Variants in KIAA1210 observed in about 807,000 individuals in gnomAD.
KIAA1210 encodes the protein acrosomal protein KIAA1210.
In KIAA1210, 48 loss-of-function variants were observed where a neutral mutation model predicts 78.9. The observed-to-expected ratio is 0.61, with a 90% CI of 0.48 to 0.77. The LOEUF is 0.77. Ranked by LOEUF, KIAA1210 falls within the 30% of genes least tolerant of loss-of-function variation. KIAA1210 has a pLI of 0.00. For synonymous variants in KIAA1210, 406 were observed against 404.5 expected, an observed-to-expected ratio of 1.00 and a Z score of -0.04; for missense variants, 1,108 against 1,100.0, an observed-to-expected ratio of 1.01 and a Z score of -0.10.
chrX:119,130,734 T>C (rs1928770341), upstream of KIAA1210, among the ~76,000 whole-genome samples: 1 of 112,436 alleles, frequency 8.9e-6, no homozygotes, highest in South Asian at 3.7e-4. Context: ...AGAGGAACTA[T>C]ATGTTTTTAT....
chrX:119,084,555 A>AT (rs1321736631), intron 10 of KIAA1210, among the ~76,000 whole-genome samples: 1 of 111,094 alleles, frequency 9.0e-6, no homozygotes, highest in Non-Finnish European at 1.9e-5. Flanking sequence ...ACCTTTAGGT[A>AT]TTTTTTTAAG....
chrX:119,110,232 C>T (rs1005303211), intron 3 of KIAA1210, among the ~76,000 whole-genome samples: 1 of 112,193 alleles, frequency 8.9e-6, no homozygotes, highest in Non-Finnish European at 1.9e-5. Flanking sequence ...GAATGCCAAA[C>T]ACTGTATCAA....
chrX:119,084,286 G>A (rs1307972200), intron 10 of KIAA1210, among the ~76,000 whole-genome samples: 2 of 110,854 alleles, frequency 1.8e-5, no homozygotes, highest in African/African-American at 6.6e-5. Context: ...ATCCACATGT[G>A]GTAGTTAGCC....
At chrX:119,133,744 T>C (rs1376259267) in intron 2 of KIAA1210, among the ~76,000 whole-genome samples, 1 of 108,376 alleles carries the variant, frequency 9.2e-6, no homozygotes. Context: ...GAGAACAATC[T>C]TGATGGCCAT....
At chrX:119,150,623 C>T (rs199581147), upstream of KIAA1210, 14 of 1,153,196 alleles carry the variant, frequency 1.2e-5, no homozygotes, top group African/African-American at 2.0e-4. Flanking sequence ...CCCGACCTGC[C>T]GAGTCCCAGA....
intron 2 of KIAA1210, among the ~76,000 whole-genome samples, chrX:119,134,331 T>C: frequency 8.9e-6 from 1 of 112,809 alleles, no homozygotes. Flanking sequence ...AGCCAAGTAG[T>C]ACTCCATTGT....
chrX:119,126,358 CAGA>C (rs776137323), intron 1 of KIAA1210, among the ~76,000 whole-genome samples: 18 of 112,418 alleles, frequency 1.6e-4, no homozygotes, highest in African/African-American at 5.5e-4. Context: ...AAGATTGCTT[CAGA>C]CCCACTTACT....
In KIAA1210 at chrX:119,081,416, G is replaced by T. The variant is rs1399544270; in HGVS notation, c.4515C>A (p.Asn1505Lys). ...RSSTLPAKFQ[N>K]PVEPIEPVWF... Reference sequence around the variant, plus strand: ...AGACAGGCTCAATTGGCTCAACTGGGTTCTGGAACTTGGCTGGGAGAGTTG... The same window carrying T: ...AGACAGGCTCAATTGGCTCAACTGGTTTCTGGAACTTGGCTGGGAGAGTTG... The change falls in exon 12 of 12, where the codon AAC (asparagine) becomes AAA (lysine). Residue 1505 changes from asparagine (N) to lysine (K), a missense_variant. Coordinates refer to ENST00000691062, the MANE Select transcript of KIAA1210 (RefSeq NM_001394962.1). The T allele has an allele frequency of 1.7e-6, 2 of 1,208,942 alleles. No homozygotes were observed. The highest frequency in any genetic ancestry group is 3.5e-5 in the African/African-American group (2 of 57,129).
Position 119,093,651 on chromosome X carries a change from G to A in KIAA1210, c.955+16C>T, listed in dbSNP as rs370781851. On this transcript the variant is annotated intron_variant, in intron 8 of 11. Coordinates refer to ENST00000691062, the MANE Select transcript of KIAA1210 (RefSeq NM_001394962.1). ...CTGTCATACATGTTTCTGGGTGAGGGTGAAGATATGCTAACCTGCACTGTC... is the reference window on the plus strand; with the variant it reads ...CTGTCATACATGTTTCTGGGTGAGGATGAAGATATGCTAACCTGCACTGTC... The A allele has an allele frequency of 5.2e-4, 586 of 1,134,326 alleles. 1 individual carries two copies. Among genetic ancestry groups the A allele is most frequent in the Non-Finnish European group, 6.6e-4 (550 of 831,620 alleles). The allele number at this position is 1,134,326 out of a possible 1,213,427, so 93.5% of individuals were successfully genotyped here.
upstream of KIAA1210, among the ~76,000 whole-genome samples, chrX:119,151,123 G>C (rs1366865758): frequency 8.9e-6 from 1 of 112,403 alleles, no homozygotes; most frequent in Non-Finnish European, 1.9e-5. Context: ...CCCACAGGCC[G>C]AAGCAATAAC....
Position 119,081,267 on chromosome X carries a change from A to T in KIAA1210, c.*62T>A. Reference sequence around the variant, plus strand: ...GGGTAACAGAGCGAGACTCTGTCTCAAAAAAAAAAAAAAAAAAAAAAACTA... The same window carrying T: ...GGGTAACAGAGCGAGACTCTGTCTCTAAAAAAAAAAAAAAAAAAAAAACTA... On this transcript the variant is annotated 3_prime_UTR_variant, in exon 12 of 12. Coordinates refer to ENST00000691062, the MANE Select transcript of KIAA1210 (RefSeq NM_001394962.1). 1.6e-4 allele frequency: 1 copy of T among 6,139 alleles called. No individual in the cohort carries two copies. The highest frequency in any genetic ancestry group is 2.7e-4 in the Non-Finnish European group (1 of 3,705). The allele number at this position is 6,139 out of a possible 1,213,427, so 0.5% of individuals were successfully genotyped here. A position where few individuals can be genotyped will look rare whatever the true frequency, so the allele number is the denominator to read the frequency against.
intron 2 of KIAA1210, among the ~76,000 whole-genome samples, chrX:119,121,058 G>A (rs1212807322): frequency 1.8e-5 from 2 of 111,377 alleles, no homozygotes; most frequent in Non-Finnish European, 3.8e-5. Flanking sequence ...GAATGAAGAC[G>A]AGCCCTGGTC....
chrX:119,081,159 C>G lies in KIAA1210; in HGVS notation c.*170G>C, dbSNP rs1324012735. The G allele has an allele frequency of 1.5e-5, 5 of 333,424 alleles. No individual in the cohort carries two copies. The highest frequency in any genetic ancestry group is 2.0e-5 in the Non-Finnish European group (4 of 204,927). 27.5% of individuals were successfully genotyped at this position (333,424 alleles called of 1,213,427 possible). A position where few individuals can be genotyped will look rare whatever the true frequency, so the allele number is the denominator to read the frequency against. The stretch of plus-strand genomic sequence containing the variant: ...GCGGGCGCCTGTAGTCCCAGCTAGT[C>G]GGGAGACTGAGGCGGGAGAGTGGCG... On this transcript the variant is annotated 3_prime_UTR_variant, in exon 12 of 12. Transcript: ENST00000691062.
chrX:119,127,073 C>A (rs1354930765), intron 1 of KIAA1210, among the ~76,000 whole-genome samples: 1 of 92,630 alleles, frequency 1.1e-5, no homozygotes. Flanking sequence ...GAACCTGTCT[C>A]AAAAAAAAAA....
chrX:119,111,716 G>A (rs1336991858), intron 3 of KIAA1210, among the ~76,000 whole-genome samples: 1 of 110,951 alleles, frequency 9.0e-6, no homozygotes, highest in Admixed American at 9.6e-5. Flanking sequence ...TAACAAACCT[G>A]CACTTTCTGC....
At chrX:119,102,826 C>A (rs1415460878) in intron 6 of KIAA1210, among the ~76,000 whole-genome samples, 1 of 112,032 alleles carries the variant, frequency 8.9e-6, no homozygotes, top group African/African-American at 3.2e-5. Context: ...GATAGCTTAT[C>A]TTCACAGGTG....
intron 7 of KIAA1210, among the ~76,000 whole-genome samples, chrX:119,094,533 G>T (rs1407744543): frequency 8.9e-6 from 1 of 111,872 alleles, no homozygotes; most frequent in African/African-American, 3.3e-5. Context: ...ATTTATTTTT[G>T]AGTAAACGTG....
chrX:119,138,573 C>T (rs1928976885), intron 2 of KIAA1210, among the ~76,000 whole-genome samples: 1 of 111,614 alleles, frequency 9.0e-6, no homozygotes, highest in South Asian at 3.8e-4. Context: ...TTGCTGACAG[C>T]TTGAGCACTG....
intron 3 of KIAA1210, among the ~76,000 whole-genome samples, chrX:119,114,878 A>G (rs1928203520): frequency 8.9e-6 from 1 of 112,175 alleles, no homozygotes; most frequent in African/African-American, 3.2e-5. Context: ...AAATAAAAAT[A>G]AAAACTCCCA....
Sources: gnomAD v4.1 joint callset for allele counts (sites outside exome capture counted in the v4.1 genomes callset) on GRCh38, gnomAD v4.1.1 for gene constraint, MANE v1.5 for transcripts, NCBI Gene and HGNC (gene_info 2026-07-23, HGNC 2026-07-21) for gene names.